Variants in RASGRP3 observed in about 807,000 individuals in gnomAD.
RASGRP3 encodes RAS guanyl releasing protein 3, also known as ras guanyl-releasing protein 3.
In RASGRP3, 54 loss-of-function variants were observed where a neutral mutation model predicts 82.7. That is an observed-to-expected ratio of 0.65 (90% CI 0.52 to 0.82). RASGRP3 has a LOEUF of 0.82. Among genes scored for constraint, RASGRP3 ranks in the 40% least tolerant of loss-of-function variants. The pLI is 0.00. For synonymous variants in RASGRP3, 309 were observed against 300.5 expected, an observed-to-expected ratio of 1.03 and a Z score of -0.29; for missense variants, 861 against 828.9, an observed-to-expected ratio of 1.04 and a Z score of -0.48.
chr2:33,461,959 T>C (rs1210300213), intron 2 of RASGRP3, among the ~76,000 whole-genome samples: 1 of 152,220 alleles, frequency 6.6e-6, no homozygotes, highest in Non-Finnish European at 1.5e-5. Context: ...GCAAGGGGTT[T>C]GGCACTAAGG....
intron 13 of RASGRP3, among the ~76,000 whole-genome samples, chr2:33,549,028 G>A (rs993919196): frequency 2.6e-5 from 4 of 152,100 alleles, no homozygotes; most frequent in African/African-American, 9.7e-5. Context: ...CAGCGTATGT[G>A]GTGAGTAGGG....
intron 4 of RASGRP3, among the ~76,000 whole-genome samples, chr2:33,518,415 C>T (rs1255214857): frequency 2.6e-5 from 4 of 152,140 alleles, no homozygotes; most frequent in East Asian, 1.9e-4. Flanking sequence ...GACTGGAAGC[C>T]GCTCAGGGTG....
At chr2:33,474,789 C>T (rs771499732), upstream of RASGRP3, among the ~76,000 whole-genome samples, 1 of 152,178 alleles carries the variant, frequency 6.6e-6, no homozygotes, top group African/African-American at 2.4e-5. Flanking sequence ...AACCATGAAC[C>T]AATTAAACCT....
intron 2 of RASGRP3, among the ~76,000 whole-genome samples, chr2:33,461,719 G>A (rs6756985): frequency 0.83 from 126,320 of 152,304 alleles, 52,706 homozygotes; most frequent in African/African-American, 0.91. Context: ...CCAGGAAGCC[G>A]TAAGAATATT....
At chr2:33,448,791 G>A (rs146488427) in intron 2 of RASGRP3, among the ~76,000 whole-genome samples, 10 of 152,062 alleles carry the variant, frequency 6.6e-5, no homozygotes, top group Non-Finnish European at 1.3e-4. Flanking sequence ...AATAGTACAC[G>A]TAAAAATGGT....
Position 33,558,830 on chromosome 2 carries a change from G to A in RASGRP3, c.1864G>A (p.Glu622Lys). The A allele has an allele frequency of 1.2e-6, 2 of 1,614,052 alleles. No individual in the cohort carries two copies. The highest frequency in any genetic ancestry group is 1.7e-6 in the Non-Finnish European group (2 of 1,179,902). The change falls in exon 17 of 18, where the codon GAG becomes AAG. Residue 622 changes from glutamate (E) to lysine (K), a missense_variant. Coordinates refer to ENST00000403687, the MANE Select transcript of RASGRP3 (RefSeq NM_001139488.2). ...CACCCAGACTGAACCTGTCTGGTCA[G>A]AGGCTGGCTGGGGGGACTCGGGGTC... Reference protein sequence around the residue: ...QATQTEPVWSEAGWGDSGSHT... With the variant: ...QATQTEPVWSKAGWGDSGSHT...
At chr2:33,455,458 A>G (rs1264798380) in intron 2 of RASGRP3, among the ~76,000 whole-genome samples, 1 of 152,210 alleles carries the variant, frequency 6.6e-6, no homozygotes, top group Non-Finnish European at 1.5e-5. Context: ...ATTTGTAGAT[A>G]ACTGGGCTGG....
chr2:33,474,357 A>G (rs528052188), upstream of RASGRP3, among the ~76,000 whole-genome samples: 1 of 152,226 alleles, frequency 6.6e-6, no homozygotes, highest in South Asian at 2.1e-4. Flanking sequence ...TTATTTTAAG[A>G]CAGAGTCTCA....
chr2:33,457,549 C>CT, intron 2 of RASGRP3, among the ~76,000 whole-genome samples: 1 of 151,864 alleles, frequency 6.6e-6, no homozygotes, highest in Middle Eastern at 3.4e-3. Flanking sequence ...TGAATCGCCT[C>CT]TTTTTTTTAG....
chr2:33,511,143 C>G (rs192520702), intron 1 of RASGRP3, among the ~76,000 whole-genome samples: 24 of 152,302 alleles, frequency 1.6e-4, no homozygotes, highest in Non-Finnish European at 2.5e-4. Context: ...GTGTCCCTTT[C>G]AGACTTGGGA....
intron 13 of RASGRP3, among the ~76,000 whole-genome samples, chr2:33,544,575 G>C (rs1469044736): frequency 1.3e-5 from 2 of 151,678 alleles, no homozygotes; most frequent in African/African-American, 4.8e-5. Context: ...ATTGTTAATA[G>C]TACGAGATTA....
intron 1 of RASGRP3, among the ~76,000 whole-genome samples, chr2:33,447,312 C>G (rs977067458): frequency 1.6e-4 from 24 of 152,124 alleles, no homozygotes; most frequent in African/African-American, 4.8e-4. Flanking sequence ...TTCTGGAACA[C>G]TCTCTTATTT....
At chr2:33,520,389 C>T (rs1671909419) in intron 5 of RASGRP3, among the ~76,000 whole-genome samples, 164 bp from the exon 6 acceptor site, 1 of 152,150 alleles carries the variant, frequency 6.6e-6, no homozygotes, top group Non-Finnish European at 1.5e-5. Flanking sequence ...AGAGAGGCTC[C>T]ATGTGATGGA....
At chr2:33,486,865 G>A (rs891011560) in intron 1 of RASGRP3, among the ~76,000 whole-genome samples, 8 of 152,204 alleles carry the variant, frequency 5.3e-5, no homozygotes, top group African/African-American at 1.9e-4. Context: ...GAGAAAAGGA[G>A]CAAAGATAAG....
At chr2:33,532,145 C>A (rs1234679497) in intron 10 of RASGRP3, 1 of 152,186 alleles carries the variant, frequency 6.6e-6, no homozygotes, top group Non-Finnish European at 1.5e-5. Context: ...AGGCAACTGC[C>A]CACGGCTGAT....
At chr2:33,562,488 C>T (rs1459443950) in intron 17 of RASGRP3, among the ~76,000 whole-genome samples, 7 of 151,940 alleles carry the variant, frequency 4.6e-5, no homozygotes, top group Non-Finnish European at 1.0e-4. Context: ...CCAGGCTGGT[C>T]TTGAACTCCT....
chr2:33,486,415 A>T (rs1668385811), intron 1 of RASGRP3, among the ~76,000 whole-genome samples: 1 of 151,930 alleles, frequency 6.6e-6, no homozygotes, highest in African/African-American at 2.4e-5. Context: ...TGATCTGCCC[A>T]CCTCGGCCTC....
chr2:33,500,287 T>C (rs1007700195), intron 1 of RASGRP3, among the ~76,000 whole-genome samples: 1 of 152,108 alleles, frequency 6.6e-6, no homozygotes, highest in Non-Finnish European at 1.5e-5. Context: ...TGGAAGAATT[T>C]TGGAGACAGG....
intron 2 of RASGRP3, among the ~76,000 whole-genome samples, chr2:33,467,640 TC>T (rs1203530171): frequency 6.6e-6 from 1 of 152,226 alleles, no homozygotes; most frequent in Non-Finnish European, 1.5e-5. Flanking sequence ...AGGTTTTGCG[TC>T]CCAACTTGAC....
Sources: allele counts gnomAD v4.1 joint callset (sites outside exome capture counted in the v4.1 genomes callset), GRCh38; gene constraint gnomAD v4.1.1; transcripts MANE v1.5; gene names NCBI Gene and HGNC (gene_info 2026-07-23, HGNC 2026-07-21).